IKZF1: variants seen among roughly 807,000 people sequenced by gnomAD.
IKZF1 encodes the protein DNA-binding protein Ikaros.
Under a neutral mutation model 51.7 loss-of-function variants are expected in IKZF1, and 10 were observed. That is an observed-to-expected ratio of 0.19 (90% CI 0.12 to 0.33). The LOEUF is 0.33. IKZF1 is among the 10% of genes least tolerant of loss of function. The probability of loss-of-function intolerance (pLI) is 1.00; values close to 1 mark genes in which losing one functional copy is unlikely to be tolerated. For synonymous variants in IKZF1, 280 were observed against 282.3 expected (o/e 0.99, Z 0.08); for missense variants, 484 against 707.5 (o/e 0.68, Z 3.58).
rs1818564402 is a variant in IKZF1 at position 50,403,944 on chromosome 7, G to A, written c.*3317G>A. ...TGCCAGTGTATCCTTCCTTTCTTCA[G>A]TTCCAGCAATAATGAATGGTCAACT... On this transcript the variant is annotated 3_prime_UTR_variant, in exon 8 of 8. Transcript: ENST00000331340. 4.6e-6 allele frequency: 1 copy of A among 215,688 alleles called. No homozygotes were observed. Among genetic ancestry groups the A allele is most frequent in the South Asian group, 1.9e-4 (1 of 5,362 alleles). 13.4% of individuals were successfully genotyped at this position (215,688 alleles called of 1,614,324 possible). A position where few individuals can be genotyped will look rare whatever the true frequency, so the allele number is the denominator to read the frequency against.
rs2153520401 is a variant in IKZF1, at chr7:50,401,039, T to C, written c.*412T>C. ...ACGGGGTTCGCGCACCAGGTGTCTT[T>C]TTCCAGTCCCCAGAAGCAGAGAGCA... On this transcript the variant is annotated 3_prime_UTR_variant, in exon 8 of 8. Transcript: ENST00000331340. The C allele has an allele frequency of 3.1e-6, 1 of 320,280 alleles. No homozygotes were observed. Among genetic ancestry groups the C allele is most frequent in the East Asian group, 5.6e-5 (1 of 17,932 alleles). The allele number at this position is 320,280 out of a possible 1,614,324, so 19.8% of individuals were successfully genotyped here. A position where few individuals can be genotyped will look rare whatever the true frequency, so the allele number is the denominator to read the frequency against.
chr7:50,350,629 A>G (rs1446031659), intron 3 of IKZF1, among the ~76,000 whole-genome samples: 1 of 152,216 alleles, frequency 6.6e-6, no homozygotes, highest in Non-Finnish European at 1.5e-5. Flanking sequence ...CCTCGTGCAC[A>G]GATAATTCTG....
chr7:50,375,015 C>T (rs1229067238), intron 3 of IKZF1, among the ~76,000 whole-genome samples: 1 of 151,952 alleles, frequency 6.6e-6, no homozygotes, highest in Admixed American at 6.6e-5. Context: ...AGTTCCTGAG[C>T]CTGCAACTCT....
At chr7:50,371,315 G>T (rs2153460211) in intron 3 of IKZF1, among the ~76,000 whole-genome samples, 1 of 152,254 alleles carries the variant, frequency 6.6e-6, no homozygotes, top group Non-Finnish European at 1.5e-5. Context: ...TGGTGTCATT[G>T]CCTTCTTCAG....
intron 4 of IKZF1, among the ~76,000 whole-genome samples, chr7:50,378,740 A>G (rs1562867032): frequency 1.3e-5 from 2 of 152,238 alleles, no homozygotes; most frequent in Non-Finnish European, 2.9e-5. Context: ...GCACACCAAT[A>G]AGCTGAGTTT....
At chr7:50,339,215 T>TTGTGTGTG (rs1158908841) in intron 3 of IKZF1, among the ~76,000 whole-genome samples, 10,753 of 126,264 alleles carry the variant, frequency 0.085, 581 homozygotes, top group South Asian at 0.14. Flanking sequence ...TTGGGTAGGG[T>TTGTGTGTG]TGTGTGTGTG....
At chr7:50,312,923 G>A (rs1402928409) in intron 1 of IKZF1, among the ~76,000 whole-genome samples, 2 of 152,158 alleles carry the variant, frequency 1.3e-5, no homozygotes, top group African/African-American at 4.8e-5. Flanking sequence ...ATTTGCACCA[G>A]CAATACTCTG....
chr7:50,371,651 T>C (rs1201404799), intron 3 of IKZF1, among the ~76,000 whole-genome samples: 1 of 152,320 alleles, frequency 6.6e-6, no homozygotes, highest in African/African-American at 2.4e-5. Flanking sequence ...CTTGCCCTCA[T>C]CTCCCACTTG....
chr7:50,360,431 G>C (rs1162447413), intron 3 of IKZF1, among the ~76,000 whole-genome samples: 1 of 152,154 alleles, frequency 6.6e-6, no homozygotes, highest in African/African-American at 2.4e-5. Context: ...CTCATTTGAA[G>C]TCAGAAGTGA....
rs983204190 is a variant in IKZF1, at chr7:50,403,723, A to G, written c.*3096A>G. 4.4e-6 allele frequency: 1 copy of G among 228,978 alleles called. No homozygotes were observed. Among genetic ancestry groups the G allele is most frequent in the Non-Finnish European group, 8.7e-6 (1 of 115,332 alleles). 14.2% of individuals were successfully genotyped at this position (228,978 alleles called of 1,614,324 possible). A position where few individuals can be genotyped will look rare whatever the true frequency, so the allele number is the denominator to read the frequency against. On this transcript the variant is annotated 3_prime_UTR_variant, in exon 8 of 8. Coordinates refer to ENST00000331340, the MANE Select transcript of IKZF1 (RefSeq NM_006060.6). ...CATGTTCCATTTCCAATTTAGAATT[A>G]GCCACATAATAAAATCTTAGAATCT... is the stretch of plus-strand genomic sequence containing the variant.
chr7:50,309,318 G>C (rs1008232899), intron 1 of IKZF1, among the ~76,000 whole-genome samples: 1 of 152,186 alleles, frequency 6.6e-6, no homozygotes, highest in Admixed American at 6.5e-5. Context: ...AGGAGGTTAG[G>C]TTTGTTGAGA....
chr7:50,350,901 G>A (rs1168931842), intron 3 of IKZF1, among the ~76,000 whole-genome samples: 3 of 152,224 alleles, frequency 2.0e-5, no homozygotes. Context: ...CTGCGCTGGG[G>A]CCAAGGACCC....
intron 3 of IKZF1, among the ~76,000 whole-genome samples, chr7:50,348,960 C>T (rs1801113833): frequency 6.6e-6 from 1 of 152,194 alleles, no homozygotes; most frequent in South Asian, 2.1e-4. Context: ...GGTCCAGTCT[C>T]CAGCATGGCC....
intron 3 of IKZF1, among the ~76,000 whole-genome samples, chr7:50,353,202 T>C (rs73114930): frequency 3.9e-5 from 6 of 152,328 alleles, no homozygotes; most frequent in Non-Finnish European, 8.8e-5. Flanking sequence ...GCCCTTCCCT[T>C]CCACCAACAT....
Position 50,376,433 on chromosome 7 carries a change from G to C in IKZF1, c.161-100G>C. 5.2e-6 allele frequency: 8 copies of C among 1,530,962 alleles called. No homozygotes were observed. Among genetic ancestry groups the C allele is most frequent in the Non-Finnish European group, 7.0e-6 (8 of 1,140,800 alleles). 94.8% of individuals were successfully genotyped at this position (1,530,962 alleles called of 1,614,324 possible). ...ATTTGCTAAGAACTTCTGTTTAGTA[G>C]CTCTCCACACCTATTTGATTGTCTT... On this transcript the variant is annotated intron_variant, in intron 3 of 7. Transcript: ENST00000331340. The surrounding 1 kb of genome is among the most constrained non-coding windows in gnomAD (Gnocchi z 4.5).
intron 1 of IKZF1, among the ~76,000 whole-genome samples, chr7:50,314,521 T>C (rs1791005566): frequency 6.6e-6 from 1 of 152,372 alleles, no homozygotes; most frequent in South Asian, 2.1e-4. Flanking sequence ...GTGTACTTAG[T>C]GGCTTTTTAA....
At chr7:50,353,967 G>A (rs1425849352) in intron 3 of IKZF1, among the ~76,000 whole-genome samples, 2 of 152,176 alleles carry the variant, frequency 1.3e-5, no homozygotes, top group African/African-American at 4.8e-5. Flanking sequence ...TGGGATCTTA[G>A]TAAAGGTTGG....
intron 3 of IKZF1, among the ~76,000 whole-genome samples, chr7:50,372,095 A>C (rs1808854727): frequency 6.6e-6 from 1 of 152,198 alleles, no homozygotes; most frequent in African/African-American, 2.4e-5. Context: ...AGATAGTTTC[A>C]AGCCCTGATT....
At chr7:50,344,137 G>A (rs939660484) in intron 3 of IKZF1, among the ~76,000 whole-genome samples, 7 of 152,302 alleles carry the variant, frequency 4.6e-5, no homozygotes, top group Middle Eastern at 6.8e-3. Context: ...TACCAGAATC[G>A]GGATGTGTGG....
Sources: gnomAD v4.1 joint callset for allele counts (sites outside exome capture counted in the v4.1 genomes callset) on GRCh38, gnomAD v4.1.1 for gene constraint, Gnocchi (gnomAD v3.1) non-coding constraint, MANE v1.5 for transcripts, NCBI Gene and HGNC (gene_info 2026-07-23, HGNC 2026-07-21) for gene names.